The following PRICKLE2 variants were observed in gnomAD, a reference collection of about 807,000 sequenced individuals.
The protein encoded by PRICKLE2 is prickle-like protein 2.
A neutral mutation model predicts 81.4 loss-of-function variants in PRICKLE2; 21 were observed. The ratio of observed to expected loss-of-function variants is 0.26; its 90% CI spans 0.18 to 0.37. PRICKLE2 has a LOEUF of 0.37. Ranked by LOEUF, PRICKLE2 falls within the 10% of genes least tolerant of loss-of-function variation. PRICKLE2 has a pLI of 1.00. For synonymous variants in PRICKLE2, 456 were observed against 421.5 expected (o/e 1.08, Z -1.00); for missense variants, 940 against 1,109.0 (o/e 0.85, Z 2.16).
chr3:64,246,680 G>A (rs1457232144), intron 2 of PRICKLE2, among the ~76,000 whole-genome samples: 2 of 152,142 alleles, frequency 1.3e-5, no homozygotes, highest in African/African-American at 2.4e-5. Flanking sequence ...TCCAGGTGCT[G>A]GTAAAACTGA....
chr3:64,159,907 A>C, intron 4 of PRICKLE2, 33 bp downstream of exon 4: 2 of 1,613,568 alleles, frequency 1.2e-6, no homozygotes, highest in Non-Finnish European at 1.7e-6. Context: ...ATGCCAGAAC[A>C]ATGCCTCTTC....
rs980246018 is a variant in PRICKLE2, at chr3:64,199,121, T to C, written c.-40-154A>G. 3.8e-4 allele frequency: 271 copies of C among 707,270 alleles called. 1 individual carries two copies. In the East Asian group the frequency reaches 7.2e-3, roughly 19 times the overall value. The allele number at this position is 707,270 out of a possible 1,614,324, so 43.8% of individuals were successfully genotyped here. ...GCATCGCGAGCAGTGTTCCAGAACATGACTGTCTTTGCAGAGGGCGTGGTA... is the reference window on the plus strand; with the variant it reads ...GCATCGCGAGCAGTGTTCCAGAACACGACTGTCTTTGCAGAGGGCGTGGTA... On this transcript the variant is annotated intron_variant, in intron 1 of 7. Coordinates refer to ENST00000638394, the MANE Select transcript of PRICKLE2 (RefSeq NM_198859.4).
chr3:64,207,886 T>G (rs696021), intron 1 of PRICKLE2, among the ~76,000 whole-genome samples: 20,278 of 152,092 alleles, frequency 0.13, 3,002 homozygotes, highest in African/African-American at 0.37. Context: ...CTGCGATAAC[T>G]TACATCACTT....
At chr3:64,257,059 G>A (rs704406) in intron 2 of PRICKLE2, among the ~76,000 whole-genome samples, 28,894 of 152,144 alleles carry the variant, frequency 0.19, 3,397 homozygotes, top group African/African-American at 0.34. Flanking sequence ...CCTGGGCAAA[G>A]TCACATACAT....
chr3:64,260,340 C>T (rs187920000), intron 2 of PRICKLE2, among the ~76,000 whole-genome samples: 2 of 152,300 alleles, frequency 1.3e-5, no homozygotes, highest in East Asian at 1.9e-4. Context: ...CCCCCTAACA[C>T]AGTGCAGCAG....
intron 1 of PRICKLE2, among the ~76,000 whole-genome samples, chr3:64,201,528 G>T (rs1409958422): frequency 6.6e-6 from 1 of 152,000 alleles, no homozygotes; most frequent in Non-Finnish European, 1.5e-5. Context: ...TGCTTATTAT[G>T]TATCTTCTTA....
Position 64,099,406 on chromosome 3 carries a change from A to G in PRICKLE2, c.2180T>C (p.Met727Thr). The stretch of plus-strand genomic sequence containing the variant: ...GCTCTCCTGGAAGCTCCGCTGGCGC[A>G]TAAATTGGTCATAGTCCTCCCTGGC... ...LRAREDYDQFMRQRSFQESMG... is the reference protein window; with the variant it reads ...LRAREDYDQFTRQRSFQESMG... The change falls in exon 8 of 8, where the codon ATG (methionine) becomes ACG (threonine). Residue 727 changes from methionine (M) to threonine (T), a missense_variant. Physicochemically the swap from Met to Thr is moderately conservative, Grantham distance 81. Around this residue, in one of 2 missense-constraint regions of PRICKLE2, gnomAD observed 670 missense variants for 717.2 expected, o/e 0.93. Transcript: ENST00000638394. This position sits in a 1 kb window ranked among gnomAD's most constrained non-coding sequence, Gnocchi z 4.3. The G allele has an allele frequency of 1.9e-6, 3 of 1,599,526 alleles. No homozygotes were observed. Among genetic ancestry groups the G allele is most frequent in the Non-Finnish European group, 2.6e-6 (3 of 1,170,170 alleles).
At chr3:64,100,008 G>T in intron 7 of PRICKLE2, 83 bp from the exon 8 acceptor site, 1 of 1,462,434 alleles carries the variant, frequency 6.8e-7, no homozygotes, top group Non-Finnish European at 9.5e-7. Flanking sequence ...CATCTATCTA[G>T]GGTCATTATA....
chr3:64,131,107 G>A (rs1289304736), intron 7 of PRICKLE2, among the ~76,000 whole-genome samples: 2 of 152,226 alleles, frequency 1.3e-5, no homozygotes, highest in African/African-American at 2.4e-5. Flanking sequence ...TGGCTCTTGA[G>A]ATTTGTAAGG....
chr3:64,125,252 T>C (rs2077088614), intron 7 of PRICKLE2, among the ~76,000 whole-genome samples: 3 of 152,180 alleles, frequency 2.0e-5, no homozygotes, highest in Admixed American at 6.5e-5. Flanking sequence ...AGAAAGTGGT[T>C]TCTTGAAATA....
intron 7 of PRICKLE2, among the ~76,000 whole-genome samples, chr3:64,140,852 G>A (rs1236950427): frequency 6.6e-6 from 1 of 152,138 alleles, no homozygotes; most frequent in East Asian, 1.9e-4. Context: ...AAATCAACAA[G>A]CCAGCTGTCA....
intron 2 of PRICKLE2, among the ~76,000 whole-genome samples, chr3:64,179,430 A>G (rs961275629): frequency 6.6e-6 from 1 of 152,140 alleles, no homozygotes; most frequent in Admixed American, 6.6e-5. Flanking sequence ...TTTTAGAAAC[A>G]CTAGATGGCA....
chr3:64,179,226 A>G (rs941501943), intron 2 of PRICKLE2, among the ~76,000 whole-genome samples: 3 of 151,614 alleles, frequency 2.0e-5, no homozygotes, highest in Non-Finnish European at 4.4e-5. Context: ...ATAGGCATGT[A>G]CCACCATGCC....
intron 2 of PRICKLE2, among the ~76,000 whole-genome samples, chr3:64,172,876 G>A (rs1408578356): frequency 6.6e-6 from 1 of 152,188 alleles, no homozygotes; most frequent in African/African-American, 2.4e-5. Context: ...CAGAGAAAAG[G>A]CCATCTGCAA....
chr3:64,153,955 G>C (rs1447023291), intron 5 of PRICKLE2: 2 of 154,520 alleles, frequency 1.3e-5, no homozygotes, highest in African/African-American at 4.8e-5. Flanking sequence ...GCCCTCACAA[G>C]TGTTTGCATT....
chr3:64,106,331 G>A (rs2076754662), intron 7 of PRICKLE2, among the ~76,000 whole-genome samples: 1 of 152,160 alleles, frequency 6.6e-6, no homozygotes, highest in Admixed American at 6.5e-5. Context: ...CTCACTGCCT[G>A]TTTTTCTAAA....
At chr3:64,256,689 T>C (rs1015857808) in intron 2 of PRICKLE2, among the ~76,000 whole-genome samples, 3 of 152,348 alleles carry the variant, frequency 2.0e-5, no homozygotes, top group East Asian at 3.9e-4. Context: ...ATGGCTTAAC[T>C]CTTTGTTGAC....
Position 64,098,196 on chromosome 3 carries a change from T to A in PRICKLE2, c.*855A>T, listed in dbSNP as rs1364835157. On this transcript the variant is annotated 3_prime_UTR_variant, in exon 8 of 8. Coordinates refer to ENST00000638394, the MANE Select transcript of PRICKLE2 (RefSeq NM_198859.4). Reference sequence around the variant, plus strand: ...AGATCAACATTAAGTAACTTCAACATTCCCAGCAGGGATGGCATTTCTCAC... The same window carrying A: ...AGATCAACATTAAGTAACTTCAACAATCCCAGCAGGGATGGCATTTCTCAC... 1 of 152,570 alleles carries A rather than the reference T, an allele frequency of 6.6e-6. No homozygotes were observed. 9.5% of individuals were successfully genotyped at this position (152,570 alleles called of 1,614,324 possible).
intron 7 of PRICKLE2, among the ~76,000 whole-genome samples, chr3:64,119,816 T>G (rs1462396578): frequency 6.6e-6 from 1 of 152,204 alleles, no homozygotes; most frequent in African/African-American, 2.4e-5. Flanking sequence ...TAGATGCTCA[T>G]CAATGGTGGA....
Sources: gnomAD v4.1 joint callset for allele counts (sites outside exome capture counted in the v4.1 genomes callset) on GRCh38, gnomAD v4.1.1 for gene constraint, gnomAD v4.1.1 regional missense constraint, Gnocchi (gnomAD v3.1) non-coding constraint, MANE v1.5 for transcripts, NCBI Gene and HGNC (gene_info 2026-07-23, HGNC 2026-07-21) for gene names.